Variants in C16orf78 observed in about 807,000 individuals in gnomAD.
C16orf78 encodes the protein chromosome 16 open reading frame 78, also known as uncharacterized protein C16orf78.
In C16orf78, 19 loss-of-function variants were observed where a neutral mutation model predicts 27.3. The ratio of observed to expected loss-of-function variants is 0.70; its 90% CI spans 0.49 to 1.02. The LOEUF (loss-of-function observed/expected upper bound fraction) is 1.02. Among genes scored for constraint, C16orf78 ranks in the 50% least tolerant of loss-of-function variants. The probability of loss-of-function intolerance (pLI) is 0.00; values close to 1 mark genes in which losing one functional copy is unlikely to be tolerated. For synonymous variants in C16orf78, 130 were observed against 116.1 expected, an observed-to-expected ratio of 1.12 and a Z score of -0.77; for missense variants, 339 against 337.0, an observed-to-expected ratio of 1.01 and a Z score of -0.05.
chr16:49,397,136 A>T (rs186278498), intron 4 of C16orf78, among the ~76,000 whole-genome samples: 1 of 152,154 alleles, frequency 6.6e-6, no homozygotes, highest in Admixed American at 6.5e-5. Flanking sequence ...AAAGTGTGAA[A>T]CCATTTGATA....
At chr16:49,398,993 C>A in intron 4 of C16orf78, 138 bp from the exon 5 acceptor site, 6 of 914,824 alleles carry the variant, frequency 6.6e-6, no homozygotes, top group Non-Finnish European at 9.9e-6. Context: ...TCTCTATCAG[C>A]TCCATGGATG....
intron 3 of C16orf78, among the ~76,000 whole-genome samples, chr16:49,386,437 G>T (rs152646): frequency 0.4 from 60,485 of 152,014 alleles, 14,346 homozygotes; most frequent in African/African-American, 0.67. Context: ...GATCATATGT[G>T]GGACCACAAG....
In C16orf78 at chr16:49,396,427, A is replaced by C. The variant is rs1360139639; in HGVS notation, c.399A>C (p.Thr133=). The C allele has an allele frequency of 6.2e-7, 1 of 1,613,904 alleles. No homozygotes were observed. Among genetic ancestry groups the C allele is most frequent in the Admixed American group, 1.7e-5 (1 of 60,004 alleles). The change falls in exon 4 of 5, where the codon ACA becomes ACC. Residue 133 remains threonine, a synonymous_variant. Coordinates refer to ENST00000299191, the MANE Select transcript of C16orf78 (RefSeq NM_144602.4). ...YIKDGPKKSD[T]DIKDAVDPES... ...ATGGCATCTGTCCAATTTCAGATAC[A>C]GACATCAAGGATGCAGTCGACCCAG...
At chr16:49,378,283 G>C (rs1291129938) in intron 2 of C16orf78, among the ~76,000 whole-genome samples, 187 bp from the exon 3 acceptor site, 1 of 152,214 alleles carries the variant, frequency 6.6e-6, no homozygotes, top group Admixed American at 6.5e-5. Context: ...GGGAGGCGTT[G>C]GTGAGCAAGC....
At chr16:49,380,559 C>T (rs945574634) in intron 3 of C16orf78, among the ~76,000 whole-genome samples, 2 of 152,178 alleles carry the variant, frequency 1.3e-5, no homozygotes, top group African/African-American at 4.8e-5. Context: ...AAACCTCTCA[C>T]ACGAAGTCAT....
intron 4 of C16orf78, among the ~76,000 whole-genome samples, chr16:49,397,373 A>C (rs973205398): frequency 1.3e-5 from 2 of 152,236 alleles, no homozygotes; most frequent in Non-Finnish European, 2.9e-5. Flanking sequence ...TCATCCTTGT[A>C]AGGTTGACAT....
At chr16:49,397,045 T>G (rs920335455) in intron 4 of C16orf78, among the ~76,000 whole-genome samples, 4 of 152,232 alleles carry the variant, frequency 2.6e-5, no homozygotes, top group Non-Finnish European at 4.4e-5. Context: ...TGGGGTTGAG[T>G]TGCTGGTGAT....
Position 49,379,634 on chromosome 16 carries a change from G to A in C16orf78, c.394+1041G>A, listed in dbSNP as rs60828554. Among the ~76,000 whole-genome samples the A allele has an allele frequency of 5.6e-3, 847 of 152,030 alleles. 10 individuals carry two copies. Among genetic ancestry groups the A allele is most frequent in the African/African-American group, 0.02 (814 of 41,442 alleles). On this transcript the variant is annotated intron_variant, in intron 3 of 4. Transcript: ENST00000299191. Reference sequence around the variant, plus strand: ...TAAATCCTAGAATAGCACTTTAGGGGCATTACTGGCGAAATCTGAAAAAGT... The same window carrying A: ...TAAATCCTAGAATAGCACTTTAGGGACATTACTGGCGAAATCTGAAAAAGT...
chr16:49,392,781 G>A (rs771570937), intron 3 of C16orf78, among the ~76,000 whole-genome samples: 1 of 152,178 alleles, frequency 6.6e-6, no homozygotes, highest in Non-Finnish European at 1.5e-5. Context: ...GTGTATAAAT[G>A]ATGCTATCAC....
chr16:49,376,359 C>T (rs1025513231), intron 1 of C16orf78, among the ~76,000 whole-genome samples: 2 of 152,202 alleles, frequency 1.3e-5, no homozygotes, highest in African/African-American at 4.8e-5. Context: ...TCTAAAGCAT[C>T]GCCATGTCAA....
chr16:49,378,607 C>G lies in C16orf78; in HGVS notation c.394+14C>G. 2 of 1,613,700 alleles carry G rather than the reference C, an allele frequency of 1.2e-6. No homozygotes were observed. Among genetic ancestry groups the G allele is most frequent in the South Asian group, 2.2e-5 (2 of 90,942 alleles). On this transcript the variant is annotated intron_variant, in intron 3 of 4. Transcript: ENST00000299191. ...CCAAGAAATCTGGTAAGGGAAAAAC[C>G]TTGGCCCCGGCCACCAGAATCCTGC...
At chr16:49,375,522 C>T (rs566313371) in intron 1 of C16orf78, among the ~76,000 whole-genome samples, 3 of 152,058 alleles carry the variant, frequency 2.0e-5, no homozygotes, top group Non-Finnish European at 4.4e-5. Flanking sequence ...CTGGATCTCA[C>T]GAGAACTCTC....
chr16:49,393,046 T>A (rs1043041470), intron 3 of C16orf78, among the ~76,000 whole-genome samples: 5 of 152,222 alleles, frequency 3.3e-5, no homozygotes, highest in African/African-American at 1.2e-4. Context: ...TCTTCTGCCA[T>A]GATTGTGAGG....
At chr16:49,377,909 C>T (rs1298762648) in intron 2 of C16orf78, 59 bp downstream of exon 2, 3 of 1,537,634 alleles carry the variant, frequency 2.0e-6, no homozygotes, top group Non-Finnish European at 2.6e-6. Flanking sequence ...GAGGAGGGGT[C>T]CCTGCTTCTC....
intron 1 of C16orf78, 140 bp from the exon 2 acceptor site, chr16:49,377,591 C>T (rs909033516): frequency 4.5e-5 from 50 of 1,109,824 alleles, no homozygotes; most frequent in Admixed American, 2.0e-4. Flanking sequence ...GGAACAGTGA[C>T]GACAGGCCCT....
intron 4 of C16orf78, 47 bp from the exon 5 acceptor site, chr16:49,399,084 G>A (rs1395708183): frequency 1.3e-6 from 2 of 1,595,362 alleles, no homozygotes; most frequent in South Asian, 2.2e-5. Flanking sequence ...GTTAGAAGCT[G>A]CTGTGACTCC....
At chr16:49,376,333 T>C (rs2151610022) in intron 1 of C16orf78, among the ~76,000 whole-genome samples, 1 of 152,356 alleles carries the variant, frequency 6.6e-6, no homozygotes, top group African/African-American at 2.4e-5. Flanking sequence ...TCCTTGAATG[T>C]TGCAGTTTCC....
intron 3 of C16orf78, among the ~76,000 whole-genome samples, chr16:49,385,421 C>T (rs887229647): frequency 6.6e-6 from 1 of 151,894 alleles, no homozygotes; most frequent in Non-Finnish European, 1.5e-5. Context: ...GCCTATAATC[C>T]CAACACTTTG....
Position 49,373,987 on chromosome 16 carries a change from GA to G in C16orf78, c.51del (p.Lys17AsnfsTer41), listed in dbSNP as rs773768912. 1.2e-6 allele frequency: 2 copies of G among 1,614,166 alleles called. No homozygotes were observed. The highest frequency in any genetic ancestry group is 4.5e-5 in the East Asian group (2 of 44,882). ...DLKDLMPTKR[K>X]YMWKTAEDRR... ...TGAAGGATTTAATGCCCACAAAGAGGAAATACATGTGGAAGACTGCTGAAGA... is the reference window on the plus strand; with the variant it reads ...TGAAGGATTTAATGCCCACAAAGAGGAATACATGTGGAAGACTGCTGAAGA... On this transcript the variant is annotated frameshift_variant, in exon 1 of 5. Transcript: ENST00000299191. LOFTEE classifies it high-confidence loss of function.
Sources: allele counts gnomAD v4.1 joint callset (sites outside exome capture counted in the v4.1 genomes callset), GRCh38; gene constraint gnomAD v4.1.1; transcripts MANE v1.5; gene names NCBI Gene and HGNC (gene_info 2026-07-23, HGNC 2026-07-21).